Variants in IRF3 observed in about 807,000 individuals in gnomAD.
The protein encoded by IRF3 is interferon regulatory factor 3.
IRF3 carries 29 observed loss-of-function variants against 43.2 expected under a neutral mutation model. The observed-to-expected ratio is 0.67, with a 90% CI of 0.50 to 0.91. The LOEUF (loss-of-function observed/expected upper bound fraction) is 0.91, where lower values mean the gene tolerates loss of function less well. Ranked by LOEUF, IRF3 falls within the 40% of genes least tolerant of loss-of-function variation. The pLI, the probability that IRF3 is intolerant of heterozygous loss-of-function variation, is 0.00. For missense variants in IRF3, 505 were observed against 559.1 expected (o/e 0.90, Z 0.98); for synonymous variants, 228 against 233.9 (o/e 0.97, Z 0.23).
At position 49,662,099 on chromosome 19, in the gene IRF3, G is replaced by A. The variant is rs1283577425; in HGVS notation, c.831C>T (p.Ala277=). 9.9e-6 allele frequency: 16 copies of A among 1,613,556 alleles called. No individual in the cohort carries two copies. The highest frequency in any genetic ancestry group is 4.4e-5 in the South Asian group (4 of 91,080). ...GCCGCTGGGCCCAGAGCCACTGCCC[G>A]GCCCGCCAGAGAGCCAGTCCCCCAC... ...CLGGGLALWR[A]GQWLWAQRLG... is the part of the protein sequence containing the mutation. Residue 277 remains alanine, a synonymous_variant, in exon 6 of 8, where the codon GCC becomes GCT. Transcript: ENST00000377139.
At chr19:49,664,019 T>A (rs1385588496) in intron 2 of IRF3, 1 of 226,996 alleles carries the variant, frequency 4.4e-6, no homozygotes. Flanking sequence ...TTGAAACCTC[T>A]TTGGTTTTTG....
chr19:49,660,302 C>G (rs2081263218), intron 7 of IRF3, among the ~76,000 whole-genome samples: 1 of 152,136 alleles, frequency 6.6e-6, no homozygotes, highest in South Asian at 2.1e-4. Context: ...ACTGCCTGAG[C>G]TCTGCCTTCT....
chr19:49,663,153 A>G, intron 4 of IRF3, 35 bp downstream of exon 4: 2 of 1,570,394 alleles, frequency 1.3e-6, no homozygotes, highest in Non-Finnish European at 1.8e-6. Context: ...GACAGGTCGG[A>G]GACTGAGGGG....
intron 7 of IRF3, among the ~76,000 whole-genome samples, 195 bp from the exon 8 acceptor site, chr19:49,660,028 C>CACACACACACCCA (rs1555753000): frequency 9.1e-6 from 1 of 109,830 alleles, no homozygotes; most frequent in African/African-American, 4.0e-5. Context: ...CACACACACA[C>CACACACACACCCA]CCCCTGCTGT....
At position 49,660,798 on chromosome 19, in the gene IRF3, C is replaced by T. The variant is rs750741168; in HGVS notation, c.1013G>A (p.Arg338His). Residue 338 changes from arginine (R) to histidine (H), a missense_variant, in exon 7 of 8, where the codon CGC (arginine) becomes CAC (histidine). Coordinates refer to ENST00000377139, the MANE Select transcript of IRF3 (RefSeq NM_001571.6). ...GAACCAGAGGGCATAGCGTGGTGAG[C>T]GTCCGCTTCCTTCCGTGAAGGTAAT... ...DLITFTEGSG[R>H]SPRYALWFCV... is the part of the protein sequence containing the mutation. The T allele has an allele frequency of 1.4e-5, 23 of 1,607,956 alleles. No homozygotes were observed. Among genetic ancestry groups the T allele is most frequent in the Non-Finnish European group, 1.4e-5 (17 of 1,177,614 alleles).
rs539587658 is a variant in IRF3 at position 49,661,798 on chromosome 19, C to T, written c.982+150G>A. On this transcript the variant is annotated intron_variant, in intron 6 of 7. Coordinates refer to ENST00000377139, the MANE Select transcript of IRF3 (RefSeq NM_001571.6). The stretch of plus-strand genomic sequence containing the variant: ...GTTTCACTATGTTGACCAGGCTGGT[C>T]TCGAACTCCTGAACTTGTCATCTGC... 1.1e-3 allele frequency: 1,000 copies of T among 903,746 alleles called. 5 individuals are homozygous for T. Among genetic ancestry groups the T allele is most frequent in the Middle Eastern group, 1.4e-3 (4 of 2,844 alleles). The allele number at this position is 903,746 out of a possible 1,614,324, so 56.0% of individuals were successfully genotyped here. A position where few individuals can be genotyped will look rare whatever the true frequency, so the allele number is the denominator to read the frequency against.
chr19:49,665,849 C>T lies in IRF3; in HGVS notation c.-227G>A. The T allele has an allele frequency of 6.2e-7, 1 of 1,604,006 alleles. No homozygotes were observed. The highest frequency in any genetic ancestry group is 8.5e-7 in the Non-Finnish European group (1 of 1,171,674). On this transcript the variant is annotated 5_prime_UTR_variant, in exon 1 of 8. Coordinates refer to ENST00000377139, the MANE Select transcript of IRF3 (RefSeq NM_001571.6). Reference sequence around the variant, plus strand: ...ATGGGACGGCCCGCTGGGCTGTTCCCGCCCCTATGCCCTTTTTTGGGTTTC... The same window carrying T: ...ATGGGACGGCCCGCTGGGCTGTTCCTGCCCCTATGCCCTTTTTTGGGTTTC...
At chr19:49,659,895 A>G in intron 7 of IRF3, 62 bp from the exon 8 acceptor site, 2 of 1,524,048 alleles carry the variant, frequency 1.3e-6, no homozygotes, top group Non-Finnish European at 1.8e-6. Context: ...CCAAGGTAGG[A>G]GTCAGGGCTT....
Position 49,660,951 on chromosome 19 carries a change from G to A in IRF3, c.983-123C>T, listed in dbSNP as rs1301029531. ...AAGGCCCTCTGCTGCCTCGACCAGG[G>A]GACTGCTTGTTTGGGGAAAGTCCCC... On this transcript the variant is annotated intron_variant, in intron 6 of 7. Coordinates refer to ENST00000377139, the MANE Select transcript of IRF3 (RefSeq NM_001571.6). 4.3e-6 allele frequency: 5 copies of A among 1,165,290 alleles called. No homozygotes were observed. In the African/African-American group the frequency reaches 7.9e-5, roughly 18 times the overall value. 72.2% of individuals were successfully genotyped at this position (1,165,290 alleles called of 1,614,324 possible).
chr19:49,661,115 C>G, intron 6 of IRF3: 2 of 424,232 alleles, frequency 4.7e-6, no homozygotes, highest in East Asian at 4.4e-5. Flanking sequence ...TCTGGAGAAG[C>G]TGGTTGGCAT....
Position 49,665,768 on chromosome 19 carries a change from G to T in IRF3, c.-146C>A. 6.5e-7 allele frequency: 1 copy of T among 1,545,836 alleles called. No individual in the cohort carries two copies. Among genetic ancestry groups the T allele is most frequent in the South Asian group, 1.2e-5 (1 of 83,704 alleles). On this transcript the variant is annotated 5_prime_UTR_variant, in exon 1 of 8. Coordinates refer to ENST00000377139, the MANE Select transcript of IRF3 (RefSeq NM_001571.6). ...GAGCGCTGGGGCTTTCTTTTTGATC[G>T]ACTTCTTGAAATAAAACCAACTTTA...
In IRF3 at chr19:49,662,228, T is replaced by G. The variant is rs760624295; in HGVS notation, c.702A>C (p.Gly234=). Residue 234 remains glycine (G), a synonymous_variant, in exon 6 of 8, where the codon GGA becomes GGC. Transcript: ENST00000377139. ...CTGGCCATCCAGGCAGCGTCCTGTCTCCCACTTCGGACCCCACCAGCCGCA... is the reference window on the plus strand; with the variant it reads ...CTGGCCATCCAGGCAGCGTCCTGTCGCCCACTTCGGACCCCACCAGCCGCA... ...EGLRLVGSEV[G]DRTLPGWPVT... is the part of the protein sequence containing the mutation. 6.2e-7 allele frequency: 1 copy of G among 1,613,856 alleles called. No individual in the cohort carries two copies. The highest frequency in any genetic ancestry group is 8.5e-7 in the Non-Finnish European group (1 of 1,180,062).
Position 49,662,033 on chromosome 19 carries a change from C to G in IRF3, c.897G>C (p.Leu299=), listed in dbSNP as rs1308815162. ...CHTYWAVSEE[L]LPNSGHGPDG... is the part of the protein sequence containing the mutation. Reference sequence around the variant, plus strand: ...CAGGCCCATGCCCGCTGTTGGGGAGCAGCTCCTCGCTCACTGCCCAGTATG... The same window carrying G: ...CAGGCCCATGCCCGCTGTTGGGGAGGAGCTCCTCGCTCACTGCCCAGTATG... Residue 299 remains leucine, a synonymous_variant, in exon 6 of 8, where the codon CTG becomes CTC. Coordinates refer to ENST00000377139, the MANE Select transcript of IRF3 (RefSeq NM_001571.6). 18 of 1,614,020 alleles carry G rather than the reference C, an allele frequency of 1.1e-5. No individual in the cohort carries two copies. Among genetic ancestry groups the G allele is most frequent in the African/African-American group, 2.7e-5 (2 of 74,956 alleles).
chr19:49,663,350 C>A lies in IRF3; in HGVS notation c.330G>T (p.Val110=). 1.2e-6 allele frequency: 2 copies of A among 1,614,216 alleles called. No homozygotes were observed. The highest frequency in any genetic ancestry group is 1.7e-6 in the Non-Finnish European group (2 of 1,180,030). Residue 110 remains valine (V), a synonymous_variant, in exon 3 of 8, where the codon GTG becomes GTT. Transcript: ENST00000377139. The stretch of plus-strand genomic sequence containing the variant: ...AACCCCAAGCTGGCAGACCTGAGTT[C>A]ACAAACTCGTAGATTTTATGTGGGT... ...PHDPHKIYEF[V]NSGVGDFSQP...
At chr19:49,664,350 C>A in intron 2 of IRF3, 1 of 967,010 alleles carries the variant, frequency 1.0e-6, no homozygotes, top group Non-Finnish European at 1.5e-6. Context: ...TCTGATGTTT[C>A]AAGAACCATC....
intron 7 of IRF3, 148 bp downstream of exon 7, chr19:49,660,565 G>C (rs999874843): frequency 2.6e-6 from 2 of 769,468 alleles, no homozygotes; most frequent in Admixed American, 6.6e-5. Flanking sequence ...ATGGGAAGGA[G>C]CTCCCGGGGA....
intron 2 of IRF3, 150 bp from the exon 3 acceptor site, chr19:49,663,664 C>G (rs1187740395): frequency 3.0e-5 from 21 of 688,652 alleles, no homozygotes; most frequent in Middle Eastern, 8.1e-4. Context: ...CCCCGTCCCA[C>G]CTACCTCCAT....
In IRF3 at chr19:49,663,271, G is replaced by C; in HGVS notation, c.338-13C>G. The C allele has an allele frequency of 6.2e-7, 1 of 1,614,100 alleles. No homozygotes were observed. The highest frequency in any genetic ancestry group is 8.5e-7 in the Non-Finnish European group (1 of 1,179,964). On this transcript the variant is annotated splice_polypyrimidine_tract_variant and intron_variant, in intron 3 of 7. Transcript: ENST00000377139. ...AAGTCCCCAACTCCTGTTGAGAAAA[G>C]TGGTGAGGGGAGTAGGAGTGCCAGG...
intron 2 of IRF3, chr19:49,663,847 C>A (rs2081481435): frequency 6.6e-6 from 2 of 300,966 alleles, no homozygotes; most frequent in Admixed American, 9.9e-5. Flanking sequence ...AGGTGGGCAC[C>A]ACTACACCTG....
Sources: allele counts gnomAD v4.1 joint callset (sites outside exome capture counted in the v4.1 genomes callset), GRCh38; gene constraint gnomAD v4.1.1; transcripts MANE v1.5; gene names NCBI Gene and HGNC (gene_info 2026-07-23, HGNC 2026-07-21).